The following SLC35D2 variants were observed in gnomAD, a reference collection of about 807,000 sequenced individuals.
SLC35D2 encodes the protein nucleotide sugar transporter SLC35D2.
A neutral mutation model predicts 41.8 loss-of-function variants in SLC35D2; 43 were observed. That is an observed-to-expected ratio of 1.03 (90% confidence interval 0.81 to 1.33). The LOEUF (loss-of-function observed/expected upper bound fraction) is 1.33. SLC35D2 is among the 40% of genes most tolerant of loss of function. The pLI, the probability that SLC35D2 is intolerant of heterozygous loss-of-function variation, is 0.00. For synonymous variants in SLC35D2, 150 were observed against 163.9 expected, an observed-to-expected ratio of 0.92 and a Z score of 0.65; for missense variants, 380 against 408.4, an observed-to-expected ratio of 0.93 and a Z score of 0.60.
At chr9:96,333,478 C>T (rs1264292280) in intron 9 of SLC35D2, among the ~76,000 whole-genome samples, 1 of 151,578 alleles carries the variant, frequency 6.6e-6, no homozygotes. Context: ...GCCTGTAGTC[C>T]CAGCTACTCA....
chr9:96,321,348 G>A lies in SLC35D2; in HGVS notation c.915-7C>T, dbSNP rs572136216. On this transcript the variant is annotated splice_region_variant and splice_polypyrimidine_tract_variant and intron_variant, in intron 11 of 11. Coordinates refer to ENST00000253270, the MANE Select transcript of SLC35D2 (RefSeq NM_007001.3). Reference sequence around the variant, plus strand: ...TCTCAAGCCCCCTGCCATGCTGAAAGGAGAAAAAAAAGTGAAAATAAATGA... The same window carrying A: ...TCTCAAGCCCCCTGCCATGCTGAAAAGAGAAAAAAAAGTGAAAATAAATGA... The A allele has an allele frequency of 7.6e-5, 122 of 1,604,624 alleles. No individual in the cohort carries two copies. The South Asian group carries it at 1.3e-3, about 17-fold the overall frequency.
intron 9 of SLC35D2, among the ~76,000 whole-genome samples, chr9:96,326,054 A>G (rs1828512025): frequency 6.6e-6 from 1 of 152,262 alleles, no homozygotes; most frequent in African/African-American, 2.4e-5. Context: ...GAAAAGTTAA[A>G]GAAACTCTGT....
At chr9:96,351,614 T>G (rs998466381) in intron 5 of SLC35D2, among the ~76,000 whole-genome samples, 2 of 152,178 alleles carry the variant, frequency 1.3e-5, no homozygotes, top group African/African-American at 4.8e-5. Flanking sequence ...ATGAAAAATT[T>G]TATACCAACA....
intron 9 of SLC35D2, among the ~76,000 whole-genome samples, chr9:96,324,607 C>T (rs187229161): frequency 1.4e-4 from 19 of 139,744 alleles, no homozygotes; most frequent in African/African-American, 5.0e-4. Flanking sequence ...GGCTGCAGTG[C>T]AGTGGTGCAA....
chr9:96,321,737 G>T (rs902579789), intron 11 of SLC35D2, among the ~76,000 whole-genome samples: 3 of 152,176 alleles, frequency 2.0e-5, no homozygotes, highest in Admixed American at 2.0e-4. Flanking sequence ...GGAGGGCAGA[G>T]AACGCAGGGG....
At chr9:96,378,298 T>C (rs917683656) in intron 1 of SLC35D2, among the ~76,000 whole-genome samples, 2 of 150,322 alleles carry the variant, frequency 1.3e-5, no homozygotes, top group Non-Finnish European at 3.0e-5. Flanking sequence ...CTGGGCACGA[T>C]GGTGTGCACC....
In SLC35D2 at chr9:96,383,527, G is replaced by A; in HGVS notation, c.108C>T (p.Thr36=). The A allele has an allele frequency of 2.0e-6, 3 of 1,524,826 alleles. No individual in the cohort carries two copies. The highest frequency in any genetic ancestry group is 3.6e-4 in the Middle Eastern group (2 of 5,598). The allele number at this position is 1,524,826 out of a possible 1,614,324, so 94.5% of individuals were successfully genotyped here. ...ARLLSALFYG[T]CSFLIVLVNK... ...TGACAAGCACGATGAGGAAGGAGCA[G>A]GTCCCGTAGAAGAGCGCCGACAGCA... is the stretch of plus-strand genomic sequence containing the variant. The change falls in exon 1 of 12, where the codon ACC becomes ACT. Residue 36 remains threonine, a synonymous_variant. Coordinates refer to ENST00000253270, the MANE Select transcript of SLC35D2 (RefSeq NM_007001.3).
At chr9:96,336,654 T>C (rs1405616067) in intron 9 of SLC35D2, 63 bp downstream of exon 9, 1 of 981,206 alleles carries the variant, frequency 1.0e-6, no homozygotes, top group African/African-American at 1.6e-5. Flanking sequence ...AGAAGGCATA[T>C]CTTGATTTGA....
intron 1 of SLC35D2, among the ~76,000 whole-genome samples, chr9:96,373,463 C>T (rs1830795881): frequency 6.6e-6 from 1 of 151,960 alleles, no homozygotes; most frequent in South Asian, 2.1e-4. Flanking sequence ...CCAGGTCAGG[C>T]GGATCACGAG....
chr9:96,371,473 T>TAAAAAAA (rs1830673892), intron 1 of SLC35D2, among the ~76,000 whole-genome samples: 1 of 3,682 alleles, frequency 2.7e-4, no homozygotes, highest in Non-Finnish European at 6.0e-4. Flanking sequence ...AGACTCTGTC[T>TAAAAAAA]CAAAAAAAAA....
At chr9:96,346,447 T>C (rs1013159605) in intron 6 of SLC35D2, among the ~76,000 whole-genome samples, 1 of 152,192 alleles carries the variant, frequency 6.6e-6, no homozygotes, top group African/African-American at 2.4e-5. Context: ...CTCCGTCCAG[T>C]GATAGGAATT....
At chr9:96,331,668 A>T (rs1202220912) in intron 9 of SLC35D2, among the ~76,000 whole-genome samples, 1 of 152,082 alleles carries the variant, frequency 6.6e-6, no homozygotes, top group Non-Finnish European at 1.5e-5. Flanking sequence ...ATAGATTGAG[A>T]CCTGTCTCAC....
At chr9:96,368,867 C>A (rs1830575470) in intron 1 of SLC35D2, among the ~76,000 whole-genome samples, 1 of 151,966 alleles carries the variant, frequency 6.6e-6, no homozygotes. Flanking sequence ...TGGGTTCAAG[C>A]GATTCTCCTG....
intron 1 of SLC35D2, among the ~76,000 whole-genome samples, chr9:96,376,706 G>A (rs567048804): frequency 1.3e-5 from 2 of 151,976 alleles, no homozygotes; most frequent in South Asian, 4.2e-4. Flanking sequence ...CCAGGAGGGA[G>A]AGGTTGCAGT....
At chr9:96,354,866 G>T (rs1402657119) in intron 4 of SLC35D2, among the ~76,000 whole-genome samples, 3 of 150,078 alleles carry the variant, frequency 2.0e-5, no homozygotes, top group African/African-American at 4.9e-5. Flanking sequence ...CAAAAGAAGT[G>T]TAAGACTTGT....
chr9:96,369,978 T>C (rs1156470613), intron 1 of SLC35D2, among the ~76,000 whole-genome samples: 1 of 152,106 alleles, frequency 6.6e-6, no homozygotes, highest in Non-Finnish European at 1.5e-5. Context: ...TAAAATTAAC[T>C]CTACTGAGTG....
intron 9 of SLC35D2, among the ~76,000 whole-genome samples, chr9:96,329,995 G>T (rs1243915260): frequency 1.3e-5 from 2 of 152,254 alleles, no homozygotes; most frequent in Non-Finnish European, 2.9e-5. Flanking sequence ...TGCCAGTAGC[G>T]TGGCTTAGGC....
At chr9:96,349,616 C>T (rs1033308642) in intron 6 of SLC35D2, among the ~76,000 whole-genome samples, 1 of 152,122 alleles carries the variant, frequency 6.6e-6, no homozygotes, top group Non-Finnish European at 1.5e-5. Context: ...ACCTCCACTT[C>T]CCAGGTTCAA....
intron 8 of SLC35D2, among the ~76,000 whole-genome samples, chr9:96,337,704 G>A (rs984991167): frequency 3.3e-5 from 5 of 151,874 alleles, no homozygotes; most frequent in Admixed American, 2.0e-4. Context: ...ATTTTTGGCC[G>A]GGCGCAGTGG....
Sources: allele counts gnomAD v4.1 joint callset (sites outside exome capture counted in the v4.1 genomes callset), GRCh38; gene constraint gnomAD v4.1.1; transcripts MANE v1.5; gene names NCBI Gene and HGNC (gene_info 2026-07-23, HGNC 2026-07-21).